PMEPA1: variants seen among roughly 807,000 people sequenced by gnomAD.
PMEPA1 encodes prostate transmembrane protein, androgen induced 1, also known as protein TMEPAI.
PMEPA1 carries 11 observed loss-of-function variants against 23.0 expected under a neutral mutation model. The observed-to-expected ratio is 0.48, with a 90% CI of 0.30 to 0.79. The LOEUF (loss-of-function observed/expected upper bound fraction) is 0.79. Ranked by LOEUF, PMEPA1 falls within the 30% of genes least tolerant of loss-of-function variation. The probability of loss-of-function intolerance (pLI) is 0.06; values close to 1 mark genes in which losing one functional copy is unlikely to be tolerated. For missense variants in PMEPA1, 377 were observed against 390.9 expected (o/e 0.96, Z 0.30); for synonymous variants, 204 against 166.4 (o/e 1.23, Z -1.74).
At chr20:57,696,796 C>T (rs893072644) in intron 1 of PMEPA1, among the ~76,000 whole-genome samples, 8 of 152,190 alleles carry the variant, frequency 5.3e-5, no homozygotes, top group East Asian at 1.9e-4. Context: ...AAGGGAATGC[C>T]GCGAAGCGCT....
chr20:57,675,286 C>T (rs757551511), intron 1 of PMEPA1, among the ~76,000 whole-genome samples: 1 of 152,184 alleles, frequency 6.6e-6, no homozygotes, highest in Non-Finnish European at 1.5e-5. Flanking sequence ...GGACAACAAA[C>T]TCAAAACAAA....
In PMEPA1 at chr20:57,655,444, C is replaced by T. The variant is rs541333285; in HGVS notation, c.265-2358G>A. Among the ~76,000 whole-genome samples the T allele has an allele frequency of 4.6e-5, 7 of 152,340 alleles. No homozygotes were observed. The highest frequency in any genetic ancestry group is 8.8e-5 in the Non-Finnish European group (6 of 68,036). ...CTACCGTTTCCCCAGTGCCAGGCGC[C>T]GGCGTGCTATGCAGTCAGGGAGTGC... On this transcript the variant is annotated intron_variant, in intron 2 of 3. Coordinates refer to ENST00000341744, the MANE Select transcript of PMEPA1 (RefSeq NM_020182.5). This position sits in a 1 kb window ranked among gnomAD's most constrained non-coding sequence, Gnocchi z 4.2.
At chr20:57,710,950 A>C (rs2072173473), upstream of PMEPA1, 1 of 152,968 alleles carries the variant, frequency 6.5e-6, no homozygotes, top group Non-Finnish European at 1.5e-5. Flanking sequence ...CTTAAGGAGC[A>C]CCTACCTGTG....
rs2071252501 is a variant in PMEPA1 at position 57,652,299 on chromosome 20, G to A, written c.618C>T (p.Cys206=). 4.3e-6 allele frequency: 7 copies of A among 1,610,430 alleles called. No homozygotes were observed. Among genetic ancestry groups the A allele is most frequent in the South Asian group, 2.2e-5 (2 of 91,084 alleles). Residue 206 remains cysteine, a synonymous_variant, in exon 4 of 4, where the codon TGC becomes TGT. Coordinates refer to ENST00000341744, the MANE Select transcript of PMEPA1 (RefSeq NM_020182.5). The surrounding 1 kb of genome is among the most constrained non-coding windows in gnomAD (Gnocchi z 6.1). ...LMDSARLGGP[C]PPSSNSGISA... ...TGATGCCCGAGTTACTGCTGGGGGG[G>A]CAGGGGCCGCCCAGCCTGGCACTAT... is the stretch of plus-strand genomic sequence containing the variant.
upstream of PMEPA1, chr20:57,710,185 A>T: frequency 2.0e-6 from 1 of 499,222 alleles, no homozygotes; most frequent in Non-Finnish European, 3.1e-6. Context: ...GCCCACGTAG[A>T]CCCGGCACCC....
intron 1 of PMEPA1, among the ~76,000 whole-genome samples, chr20:57,706,549 ATGGGGCCC>A (rs1468387847): frequency 2.0e-5 from 3 of 152,060 alleles, no homozygotes; most frequent in African/African-American, 7.2e-5. Flanking sequence ...CTCAGAAAAA[ATGGGGCCC>A]CAGGAGTGTC....
At chr20:57,660,736 C>T (rs111169158) in intron 1 of PMEPA1, among the ~76,000 whole-genome samples, 1 of 148,398 alleles carries the variant, frequency 6.7e-6, no homozygotes, top group Non-Finnish European at 1.5e-5. Context: ...CCTAACACTC[C>T]TACACACACA....
At chr20:57,707,131 C>A (rs1206509403) in intron 1 of PMEPA1, among the ~76,000 whole-genome samples, 13 of 152,216 alleles carry the variant, frequency 8.5e-5, no homozygotes, top group Admixed American at 7.9e-4. Context: ...TCCAAACCAT[C>A]CATCAAGTTC....
chr20:57,684,731 T>G (rs1472078722), intron 1 of PMEPA1, among the ~76,000 whole-genome samples: 1 of 152,188 alleles, frequency 6.6e-6, no homozygotes, highest in Non-Finnish European at 1.5e-5. Flanking sequence ...CCCTGATATT[T>G]TCATCCTTAA....
At chr20:57,698,284 C>A (rs1368281675) in intron 1 of PMEPA1, among the ~76,000 whole-genome samples, 1 of 152,170 alleles carries the variant, frequency 6.6e-6, no homozygotes, top group African/African-American at 2.4e-5. Flanking sequence ...GTAATTGACA[C>A]CCTCTCCATC....
At chr20:57,691,209 C>T (rs867415655) in intron 1 of PMEPA1, among the ~76,000 whole-genome samples, 7 of 152,100 alleles carry the variant, frequency 4.6e-5, no homozygotes, top group African/African-American at 1.7e-4. Context: ...TCATGAATGG[C>T]GTGAAATATT....
chr20:57,698,675 C>A (rs550329917), intron 1 of PMEPA1, among the ~76,000 whole-genome samples: 15 of 152,170 alleles, frequency 9.9e-5, no homozygotes, highest in Admixed American at 2.0e-4. Context: ...GGGGAATCTG[C>A]GGAACTGGCG....
intron 1 of PMEPA1, among the ~76,000 whole-genome samples, chr20:57,669,504 G>C (rs776370648): frequency 3.8e-4 from 58 of 152,124 alleles, no homozygotes; most frequent in Admixed American, 3.6e-3. Flanking sequence ...GTGCAAGAAG[G>C]CCCCCTGCAG....
At chr20:57,666,394 T>C (rs920815559) in intron 1 of PMEPA1, among the ~76,000 whole-genome samples, 1 of 152,174 alleles carries the variant, frequency 6.6e-6, no homozygotes, top group Non-Finnish European at 1.5e-5. Flanking sequence ...ACCGTCATTC[T>C]GTGAGGTCCG....
chr20:57,694,898 C>T (rs1298187650), intron 1 of PMEPA1, among the ~76,000 whole-genome samples: 1 of 152,240 alleles, frequency 6.6e-6, no homozygotes, highest in Non-Finnish European at 1.5e-5. Context: ...GTAAGTGAGG[C>T]TGCCATGACT....
At chr20:57,707,623 A>G (rs2072107220) in intron 1 of PMEPA1, among the ~76,000 whole-genome samples, 1 of 152,032 alleles carries the variant, frequency 6.6e-6, no homozygotes, top group Admixed American at 6.6e-5. Flanking sequence ...GAGCCTAAGA[A>G]AGGACAGAAA....
In PMEPA1 at chr20:57,709,913, G is replaced by GCCT. The variant is rs1163727898; in HGVS notation, c.-334_-332dup. The GCCT allele has an allele frequency of 2.0e-6, 2 of 1,009,292 alleles. No homozygotes were observed. The highest frequency in any genetic ancestry group is 2.1e-4 in the East Asian group (2 of 9,488). The allele number at this position is 1,009,292 out of a possible 1,614,324, so 62.5% of individuals were successfully genotyped here. On this transcript the variant is annotated 5_prime_UTR_variant, in exon 1 of 4. Coordinates refer to ENST00000341744, the MANE Select transcript of PMEPA1 (RefSeq NM_020182.5). ...TGCCGCTAGCTTTCCCCAGCCGAGC[G>GCCT]CCTCCGCCGCCGCCGCCGCCGCCGC...
rs1354345565 is a variant in PMEPA1, at chr20:57,690,339, C to A, written c.109+19135G>T. The A allele has an allele frequency of 4.1e-6, 4 of 984,078 alleles. No homozygotes were observed. The East Asian group carries it at 2.4e-4, about 60-fold the overall frequency. The allele number at this position is 984,078 out of a possible 1,614,324, so 61.0% of individuals were successfully genotyped here. A position where few individuals can be genotyped will look rare whatever the true frequency, so the allele number is the denominator to read the frequency against. On this transcript the variant is annotated intron_variant, in intron 1 of 3. Transcript: ENST00000341744. ...ACCCCCACCACTGCCACCCGCCCTG[C>A]ATCAGCGCTACACATGCAAATGCTC...
intron 1 of PMEPA1, among the ~76,000 whole-genome samples, chr20:57,676,437 C>T (rs1164399145): frequency 1.3e-5 from 2 of 152,286 alleles, no homozygotes; most frequent in South Asian, 2.1e-4. Flanking sequence ...GCATGCTGAC[C>T]GGGCAAGCAT....
Sources: allele counts gnomAD v4.1 joint callset (sites outside exome capture counted in the v4.1 genomes callset), GRCh38; gene constraint gnomAD v4.1.1; non-coding constraint Gnocchi (gnomAD v3.1); transcripts MANE v1.5; gene names NCBI Gene and HGNC (gene_info 2026-07-23, HGNC 2026-07-21).